ANGPTL2: variants seen among roughly 807,000 people sequenced by gnomAD.
ANGPTL2 encodes angiopoietin-related protein 2.
In ANGPTL2, 25 loss-of-function variants were observed where a neutral mutation model predicts 52.8. That is an observed-to-expected ratio of 0.47 (90% confidence interval 0.35 to 0.66). The LOEUF is 0.66. Ranked by LOEUF, ANGPTL2 falls within the 30% of genes least tolerant of loss-of-function variation. ANGPTL2 has a pLI of 0.01. For synonymous variants in ANGPTL2, 276 were observed against 277.4 expected, an observed-to-expected ratio of 1.00 and a Z score of 0.05; for missense variants, 546 against 656.9, an observed-to-expected ratio of 0.83 and a Z score of 1.84.
chr9:127,108,816 C>G, intron 1 of ANGPTL2, 36 bp from the exon 2 acceptor site: 1 of 1,393,992 alleles, frequency 7.2e-7, no homozygotes, highest in Non-Finnish European at 9.6e-7. Context: ...AGTGATGGTC[C>G]CACCACTGTC....
chr9:127,090,414 A>G (rs1401351481), intron 4 of ANGPTL2, among the ~76,000 whole-genome samples: 1 of 152,188 alleles, frequency 6.6e-6, no homozygotes, highest in Non-Finnish European at 1.5e-5. Flanking sequence ...CTTCAGAATG[A>G]GGGCCTGTTC....
intron 1 of ANGPTL2, among the ~76,000 whole-genome samples, chr9:127,109,402 A>G (rs1251899802): frequency 3.3e-5 from 5 of 152,222 alleles, no homozygotes; most frequent in Non-Finnish European, 5.9e-5. Context: ...CATGTTATGG[A>G]ATACATTCAG....
chr9:127,092,186 G>A (rs538387995), intron 3 of ANGPTL2, among the ~76,000 whole-genome samples: 3 of 152,314 alleles, frequency 2.0e-5, no homozygotes. Context: ...CTTACATCAG[G>A]GAGGCTATAT....
At chr9:127,097,721 A>G (rs1050209834) in intron 2 of ANGPTL2, among the ~76,000 whole-genome samples, 4 of 152,382 alleles carry the variant, frequency 2.6e-5, no homozygotes, top group South Asian at 2.1e-4. Context: ...TAGCTGTTCC[A>G]TATAAATAAT....
intron 1 of ANGPTL2, among the ~76,000 whole-genome samples, chr9:127,112,108 A>G (rs1161088193): frequency 6.6e-6 from 1 of 152,156 alleles, no homozygotes; most frequent in Non-Finnish European, 1.5e-5. Flanking sequence ...GCTGTTTTCC[A>G]CTTAAATGAC....
At chr9:127,109,537 G>A (rs753337468) in intron 1 of ANGPTL2, among the ~76,000 whole-genome samples, 1 of 152,216 alleles carries the variant, frequency 6.6e-6, no homozygotes, top group East Asian at 1.9e-4. Flanking sequence ...AATATTTGCA[G>A]TAGCCAGTGA....
intron 1 of ANGPTL2, among the ~76,000 whole-genome samples, chr9:127,111,252 A>G (rs952438665): frequency 9.9e-5 from 15 of 151,878 alleles, no homozygotes; most frequent in Non-Finnish European, 1.8e-4. Flanking sequence ...CTGAAATACC[A>G]CCTTCTCAGT....
chr9:127,098,060 AC>A (rs754133284), intron 2 of ANGPTL2, among the ~76,000 whole-genome samples: 1 of 151,706 alleles, frequency 6.6e-6, no homozygotes, highest in African/African-American at 2.4e-5. Context: ...GAAGTTGTTC[AC>A]CCCCCCAACT....
chr9:127,108,162 G>A lies in ANGPTL2; in HGVS notation c.570C>T (p.Ala190=). 1 of 1,614,082 alleles carries A rather than the reference G, an allele frequency of 6.2e-7. No homozygotes were observed. The highest frequency in any genetic ancestry group is 8.5e-7 in the Non-Finnish European group (1 of 1,179,998). ...EHKYQHLATL[A]HNQSEIIAQL... ...GCGCGATGATCTCTGATTGGTTGTG[G>A]GCCAGTGTGGCCAGGTGCTGGTACT... Residue 190 remains alanine, a synonymous_variant, in exon 2 of 5, where the codon GCC becomes GCT. Coordinates refer to ENST00000373425, the MANE Select transcript of ANGPTL2 (RefSeq NM_012098.3).
chr9:127,092,865 C>G (rs1445668927), intron 3 of ANGPTL2, among the ~76,000 whole-genome samples: 1 of 152,050 alleles, frequency 6.6e-6, no homozygotes, highest in African/African-American at 2.4e-5. Context: ...ACAGGAGACT[C>G]AAGAAGGGGC....
Position 127,108,041 on chromosome 9 carries a change from T to C in ANGPTL2, c.691A>G (p.Asn231Asp). 2 of 1,602,430 alleles carry C rather than the reference T, an allele frequency of 1.2e-6. No homozygotes were observed. Among genetic ancestry groups the C allele is most frequent in the Non-Finnish European group, 1.7e-6 (2 of 1,176,074 alleles). The change falls in exon 2 of 5, where the codon AAC (asparagine) becomes GAC (aspartate). Residue 231 changes from asparagine to aspartate, a missense_variant. Asn to Asp is a conservative substitution (Grantham distance 23). Coordinates refer to ENST00000373425, the MANE Select transcript of ANGPTL2 (RefSeq NM_012098.3). ...PPRVYQPPTY[N>D]RIINQISTNE... Reference sequence around the variant, plus strand: ...GTAGAGATCTGGTTGATGATGCGGTTGTAGGTGGGTGGTTGGTAGACCCGG... The same window carrying C: ...GTAGAGATCTGGTTGATGATGCGGTCGTAGGTGGGTGGTTGGTAGACCCGG...
chr9:127,098,060 A>AC (rs754133284), intron 2 of ANGPTL2, among the ~76,000 whole-genome samples: 22 of 151,824 alleles, frequency 1.4e-4, no homozygotes, highest in Admixed American at 2.6e-4. Flanking sequence ...GAAGTTGTTC[A>AC]CCCCCCCAAC....
At chr9:127,096,337 A>T (rs1248486686) in intron 2 of ANGPTL2, among the ~76,000 whole-genome samples, 1 of 152,236 alleles carries the variant, frequency 6.6e-6, no homozygotes, top group Non-Finnish European at 1.5e-5. Context: ...GCTCCTTACC[A>T]AGTCAGCAGC....
At chr9:127,119,432 A>T (rs1245700361) in intron 1 of ANGPTL2, among the ~76,000 whole-genome samples, 2 of 152,202 alleles carry the variant, frequency 1.3e-5, no homozygotes, top group African/African-American at 4.8e-5. Context: ...GTGTCTAAAC[A>T]AGGCACTGAA....
At chr9:127,100,642 C>T (rs2053628212) in intron 2 of ANGPTL2, among the ~76,000 whole-genome samples, 1 of 152,100 alleles carries the variant, frequency 6.6e-6, no homozygotes, top group Non-Finnish European at 1.5e-5. Flanking sequence ...GGCAGTGCCC[C>T]AGGGTTCCAC....
At chr9:127,106,595 G>A (rs1457777378) in intron 2 of ANGPTL2, among the ~76,000 whole-genome samples, 2 of 152,214 alleles carry the variant, frequency 1.3e-5, no homozygotes, top group Admixed American at 1.3e-4. Context: ...AATCAGTGGT[G>A]GAAACCGGAT....
intron 3 of ANGPTL2, among the ~76,000 whole-genome samples, chr9:127,092,751 A>G (rs998943409): frequency 2.0e-5 from 3 of 152,098 alleles, no homozygotes; most frequent in Non-Finnish European, 2.9e-5. Flanking sequence ...ATTGCACTGT[A>G]TTGCCTCTAA....
At chr9:127,090,323 G>A (rs1377799877) in intron 4 of ANGPTL2, among the ~76,000 whole-genome samples, 1 of 152,234 alleles carries the variant, frequency 6.6e-6, no homozygotes, top group Non-Finnish European at 1.5e-5. Context: ...GGCTGTAGCA[G>A]CCCCTGTGTC....
In ANGPTL2 at chr9:127,122,499, A is replaced by C. The variant is rs2056221668; in HGVS notation, c.-234T>G. On this transcript the variant is annotated 5_prime_UTR_variant, in exon 1 of 5. Coordinates refer to ENST00000373425, the MANE Select transcript of ANGPTL2 (RefSeq NM_012098.3). The surrounding 1 kb of genome is among the most constrained non-coding windows in gnomAD (Gnocchi z 6.4). Reference sequence around the variant, plus strand: ...GAGGGCTCCGGCAGAGGCTGGGGCCAGGGCTGGCCAGGGGTCCTGCGGGGC... The same window carrying C: ...GAGGGCTCCGGCAGAGGCTGGGGCCCGGGCTGGCCAGGGGTCCTGCGGGGC... 2 of 152,576 alleles carry C rather than the reference A, an allele frequency of 1.3e-5. No individual in the cohort carries two copies. The highest frequency in any genetic ancestry group is 1.3e-4 in the Admixed American group (2 of 15,284). The allele number at this position is 152,576 out of a possible 1,614,324, so 9.5% of individuals were successfully genotyped here.
Sources: allele counts gnomAD v4.1 joint callset (sites outside exome capture counted in the v4.1 genomes callset), GRCh38; gene constraint gnomAD v4.1.1; non-coding constraint Gnocchi (gnomAD v3.1); transcripts MANE v1.5; gene names NCBI Gene and HGNC (gene_info 2026-07-23, HGNC 2026-07-21).